FAM227B: variants seen among roughly 807,000 people sequenced by gnomAD.
FAM227B encodes the protein family with sequence similarity 227 member B, also known as protein FAM227B.
Under a neutral mutation model 73.8 loss-of-function variants are expected in FAM227B, and 88 were observed. The observed-to-expected ratio is 1.19, with a 90% confidence interval of 1.00 to 1.42. The LOEUF is 1.42. Among genes scored for constraint, FAM227B ranks in the 40% most tolerant of loss-of-function variants. FAM227B has a pLI of 0.00. For missense variants in FAM227B, 632 were observed against 590.9 expected (o/e 1.07, Z -0.72); for synonymous variants, 210 against 190.5 (o/e 1.10, Z -0.84).
chr15:49,450,263 T>C (rs1352024523), intron 11 of FAM227B, among the ~76,000 whole-genome samples: 1 of 152,142 alleles, frequency 6.6e-6, no homozygotes, highest in East Asian at 1.9e-4. Context: ...ATTTCCCTCC[T>C]CATCATCTTT....
intron 11 of FAM227B, among the ~76,000 whole-genome samples, chr15:49,439,941 G>T (rs992838656): frequency 2.0e-5 from 3 of 151,712 alleles, no homozygotes; most frequent in Non-Finnish European, 4.4e-5. Context: ...AGGGAAACTG[G>T]AAAGGAAAAA....
intron 11 of FAM227B, among the ~76,000 whole-genome samples, chr15:49,500,156 G>A (rs2058021363): frequency 6.6e-6 from 1 of 152,180 alleles, no homozygotes; most frequent in African/African-American, 2.4e-5. Context: ...AGTGAATTAT[G>A]ATCATGGCAC....
intron 10 of FAM227B, among the ~76,000 whole-genome samples, chr15:49,523,019 A>G (rs982206056): frequency 2.2e-5 from 3 of 134,332 alleles, no homozygotes; most frequent in Non-Finnish European, 4.7e-5. Flanking sequence ...TACAGTACTC[A>G]GACTCTCTTT....
At chr15:49,514,274 G>A (rs538899277) in intron 10 of FAM227B, among the ~76,000 whole-genome samples, 1 of 152,122 alleles carries the variant, frequency 6.6e-6, no homozygotes, top group East Asian at 1.9e-4. Context: ...TTATTTCCAT[G>A]AGCAGTGGTT....
intron 11 of FAM227B, among the ~76,000 whole-genome samples, chr15:49,416,502 G>A (rs1002756524): frequency 1.3e-5 from 2 of 152,002 alleles, no homozygotes; most frequent in East Asian, 1.9e-4. Context: ...TTTGAAGTCC[G>A]AGTCAGAACT....
At chr15:49,584,630 T>C (rs762714509) in intron 5 of FAM227B, among the ~76,000 whole-genome samples, 2 of 152,026 alleles carry the variant, frequency 1.3e-5, no homozygotes, top group Non-Finnish European at 2.9e-5. Flanking sequence ...TCTCAAAAGC[T>C]CCTTAAGCTG....
chr15:49,423,733 T>C (rs944246652), intron 11 of FAM227B, among the ~76,000 whole-genome samples: 11 of 152,132 alleles, frequency 7.2e-5, no homozygotes, highest in Non-Finnish European at 1.5e-4. Flanking sequence ...TTAGCAGTAA[T>C]TGTAAAAACT....
chr15:49,551,339 T>TTTA (rs907485701), intron 9 of FAM227B, among the ~76,000 whole-genome samples: 5 of 152,250 alleles, frequency 3.3e-5, no homozygotes, highest in African/African-American at 1.2e-4. Flanking sequence ...AATTGACCCC[T>TTTA]TTATTATTAT....
chr15:49,576,603 G>C (rs1477920907), intron 7 of FAM227B, 138 bp downstream of exon 7: 1 of 608,096 alleles, frequency 1.6e-6, no homozygotes, highest in Non-Finnish European at 2.9e-6. Context: ...ACACATCACT[G>C]GTCTTTCCTG....
chr15:49,535,530 G>A (rs1481609551), intron 10 of FAM227B, among the ~76,000 whole-genome samples: 2 of 151,680 alleles, frequency 1.3e-5, no homozygotes, highest in Non-Finnish European at 3.0e-5. Context: ...TTAAACTCTA[G>A]AAATAAAACT....
chr15:49,445,600 C>T (rs1001281533), intron 11 of FAM227B, among the ~76,000 whole-genome samples: 9 of 151,464 alleles, frequency 5.9e-5, no homozygotes, highest in Non-Finnish European at 1.2e-4. Context: ...GCTCTGATCA[C>T]TATACACTGT....
chr15:49,388,514 C>T (rs1481670514), intron 11 of FAM227B, among the ~76,000 whole-genome samples: 1 of 151,858 alleles, frequency 6.6e-6, no homozygotes. Context: ...AAATATAGGA[C>T]CTGAAACTAT....
At chr15:49,469,557 T>C (rs774155126) in intron 11 of FAM227B, among the ~76,000 whole-genome samples, 16 of 152,200 alleles carry the variant, frequency 1.1e-4, no homozygotes, top group Middle Eastern at 3.4e-3. Context: ...GCCAAAACAG[T>C]GGCTTATGAA....
At chr15:49,597,454 A>C (rs1002304379) in intron 3 of FAM227B, among the ~76,000 whole-genome samples, 5 of 151,914 alleles carry the variant, frequency 3.3e-5, no homozygotes, top group African/African-American at 1.2e-4. Flanking sequence ...AAAACCTCTA[A>C]GGTACAGCAA....
At chr15:49,573,557 G>A (rs1161829111) in intron 8 of FAM227B, among the ~76,000 whole-genome samples, 1 of 152,172 alleles carries the variant, frequency 6.6e-6, no homozygotes, top group Non-Finnish European at 1.5e-5. Context: ...ACAGAAGTGG[G>A]TTTGTTATCA....
intron 11 of FAM227B, among the ~76,000 whole-genome samples, chr15:49,467,602 G>T (rs2054378756): frequency 6.6e-6 from 1 of 152,058 alleles, no homozygotes; most frequent in Non-Finnish European, 1.5e-5. Context: ...TTTCTCACAT[G>T]TTCTGGGACT....
chr15:49,407,835 C>T (rs1213450836), intron 11 of FAM227B, among the ~76,000 whole-genome samples: 1 of 151,820 alleles, frequency 6.6e-6, no homozygotes, highest in Non-Finnish European at 1.5e-5. Flanking sequence ...CCTTTCATGC[C>T]CGGTTGTTGT....
intron 1 of FAM227B, among the ~76,000 whole-genome samples, chr15:49,620,366 T>C (rs987338301): frequency 3.9e-5 from 6 of 152,220 alleles, no homozygotes; most frequent in Non-Finnish European, 8.8e-5. Flanking sequence ...CATTTGACCA[T>C]TGTGTTTTAA....
chr15:49,413,156 G>A (rs1462407715), intron 11 of FAM227B, among the ~76,000 whole-genome samples: 2 of 152,046 alleles, frequency 1.3e-5, no homozygotes, highest in African/African-American at 4.8e-5. Flanking sequence ...ATCTCATCTT[G>A]AATTGTACTC....
Sources: allele counts gnomAD v4.1 joint callset (sites outside exome capture counted in the v4.1 genomes callset), GRCh38; gene constraint gnomAD v4.1.1; transcripts MANE v1.5; gene names NCBI Gene and HGNC (gene_info 2026-07-23, HGNC 2026-07-21).